Variants in LMOD1 observed in about 807,000 individuals in gnomAD.
LMOD1 encodes leiomodin-1.
Under a neutral mutation model 36.5 loss-of-function variants are expected in LMOD1, and 8 were observed. The observed-to-expected ratio is 0.22, with a 90% CI of 0.13 to 0.40. The LOEUF (loss-of-function observed/expected upper bound fraction) is 0.40, where lower values mean the gene tolerates loss of function less well. LMOD1 is among the 10% of genes least tolerant of loss of function. The pLI, the probability that LMOD1 is intolerant of heterozygous loss-of-function variation, is 1.00. For synonymous variants in LMOD1, 284 were observed against 288.7 expected (o/e 0.98, Z 0.17); for missense variants, 630 against 751.1 (o/e 0.84, Z 1.88).
intron 1 of LMOD1, among the ~76,000 whole-genome samples, chr1:201,945,476 T>C (rs1682194819): frequency 6.6e-6 from 1 of 152,122 alleles, no homozygotes; most frequent in Non-Finnish European, 1.5e-5. Context: ...ACATCTTCCC[T>C]GGGAATAAAT....
chr1:201,944,102 A>T (rs1009038179), intron 1 of LMOD1, among the ~76,000 whole-genome samples: 3 of 152,160 alleles, frequency 2.0e-5, no homozygotes, highest in African/African-American at 7.2e-5. Context: ...GGATCAGAAC[A>T]GCCTACATCC....
intron 1 of LMOD1, among the ~76,000 whole-genome samples, chr1:201,925,367 G>C (rs1363113605): frequency 6.6e-6 from 1 of 152,194 alleles, no homozygotes; most frequent in African/African-American, 2.4e-5. Flanking sequence ...GTATGTGGAA[G>C]CCCATAAATC....
intron 1 of LMOD1, among the ~76,000 whole-genome samples, chr1:201,922,160 C>T (rs971824840): frequency 7.2e-5 from 11 of 152,106 alleles, no homozygotes; most frequent in Non-Finnish European, 1.6e-4. Context: ...AATAGTGCAA[C>T]CACTTGGGAA....
chr1:201,899,135 GCCGACATAAGCTC>G lies in LMOD1; in HGVS notation c.1776+89_1776+101del, dbSNP rs1250472976. The G allele has an allele frequency of 1.8e-6, 2 of 1,093,896 alleles. No individual in the cohort carries two copies. Among genetic ancestry groups the G allele is most frequent in the Admixed American group, 5.8e-5 (2 of 34,768 alleles). The allele number at this position is 1,093,896 out of a possible 1,614,324, so 67.8% of individuals were successfully genotyped here. ...GCCCTGGGAGTCTATATCATCTGCAGCCGACATAAGCTCCTCTGCATGCCTTCCCTTTTGCAGT... is the reference window on the plus strand; with the variant it reads ...GCCCTGGGAGTCTATATCATCTGCAGCTCTGCATGCCTTCCCTTTTGCAGT... On this transcript the variant is annotated intron_variant, in intron 2 of 2. Coordinates refer to ENST00000367288, the MANE Select transcript of LMOD1 (RefSeq NM_012134.3). The surrounding 1 kb of genome is among the most constrained non-coding windows in gnomAD (Gnocchi z 6.3).
intron 1 of LMOD1, among the ~76,000 whole-genome samples, chr1:201,921,532 A>T (rs1273539993): frequency 1.3e-5 from 2 of 148,162 alleles, no homozygotes; most frequent in African/African-American, 5.0e-5. Context: ...CTCAGAAAGG[A>T]GATCTAGGCT....
rs12750062 is a variant in LMOD1 at position 201,901,641 on chromosome 1, T to C, written c.262-890A>G. On this transcript the variant is annotated intron_variant, in intron 1 of 2. Transcript: ENST00000367288. The stretch of plus-strand genomic sequence containing the variant: ...ATATATGTGTGTGTGTATATATATA[T>C]ATATATACATATATATGTGTATATA... Among the ~76,000 whole-genome samples, 8 of 77,102 alleles carry C rather than the reference T, an allele frequency of 1.0e-4. 1 individual carries two copies. Among genetic ancestry groups the C allele is most frequent in the South Asian group, 4.4e-4 (1 of 2,298 alleles). The allele number at this position is 77,102 out of a possible 152,430, so 50.6% of individuals were successfully genotyped here. A position where few individuals can be genotyped will look rare whatever the true frequency, so the allele number is the denominator to read the frequency against.
rs1351864905 is a variant in LMOD1 at position 201,896,778 on chromosome 1, T to G, written c.*1594A>C. 4.4e-6 allele frequency: 2 copies of G among 453,078 alleles called. No individual in the cohort carries two copies. Among genetic ancestry groups the G allele is most frequent in the Non-Finnish European group, 8.9e-6 (2 of 225,734 alleles). 28.1% of individuals were successfully genotyped at this position (453,078 alleles called of 1,614,324 possible). A position where few individuals can be genotyped will look rare whatever the true frequency, so the allele number is the denominator to read the frequency against. On this transcript the variant is annotated 3_prime_UTR_variant, in exon 3 of 3. Coordinates refer to ENST00000367288, the MANE Select transcript of LMOD1 (RefSeq NM_012134.3). ...GTGACTGGGGTGACAGGCAAGTGGGTGGAGGGAATGGAGAAGAGTGTACCC... is the reference window on the plus strand; with the variant it reads ...GTGACTGGGGTGACAGGCAAGTGGGGGGAGGGAATGGAGAAGAGTGTACCC...
chr1:201,908,615 G>T (rs564523659), intron 1 of LMOD1, among the ~76,000 whole-genome samples: 23 of 152,234 alleles, frequency 1.5e-4, no homozygotes, highest in South Asian at 4.2e-4. Context: ...GGTGCTACAG[G>T]GCGGCCTTCT....
At chr1:201,910,836 C>G (rs1276331879) in intron 1 of LMOD1, among the ~76,000 whole-genome samples, 1 of 116,228 alleles carries the variant, frequency 8.6e-6, no homozygotes, top group East Asian at 3.0e-4. Flanking sequence ...CTCACTGTAA[C>G]CTCTGCCTCC....
rs542223073 is a variant in LMOD1, at chr1:201,912,648, C to T, written c.262-11897G>A. Among the ~76,000 whole-genome samples, 12 of 152,240 alleles carry T rather than the reference C, an allele frequency of 7.9e-5. No individual in the cohort carries two copies. In the South Asian group the frequency reaches 1.9e-3, roughly 24 times the overall value. On this transcript the variant is annotated intron_variant, in intron 1 of 2. Transcript: ENST00000367288. ...CCAAGGTGGGTGGATCACCTGAGGTCGGGAGTTTGAGACCAGCCTGACCAA... is the reference window on the plus strand; with the variant it reads ...CCAAGGTGGGTGGATCACCTGAGGTTGGGAGTTTGAGACCAGCCTGACCAA...
chr1:201,897,064 G>C lies in LMOD1; in HGVS notation c.*1308C>G, dbSNP rs565086358. 10 of 280,852 alleles carry C rather than the reference G, an allele frequency of 3.6e-5. No homozygotes were observed. Among genetic ancestry groups the C allele is most frequent in the Non-Finnish European group, 7.1e-5 (10 of 140,206 alleles). The allele number at this position is 280,852 out of a possible 1,614,324, so 17.4% of individuals were successfully genotyped here. On this transcript the variant is annotated 3_prime_UTR_variant, in exon 3 of 3. Transcript: ENST00000367288. Reference sequence around the variant, plus strand: ...AGAAAGATGCCTTTCACCTACACCCGATGGTGGGCATGGCAGCATTGTCAG... The same window carrying C: ...AGAAAGATGCCTTTCACCTACACCCCATGGTGGGCATGGCAGCATTGTCAG...
At position 201,901,545 on chromosome 1, in the gene LMOD1, T is replaced by TACAC. The variant is rs1681308238; in HGVS notation, c.262-795_262-794insGTGT. Among the ~76,000 whole-genome samples, 3 of 16,054 alleles carry TACAC rather than the reference T, an allele frequency of 1.9e-4. 1 individual carries two copies. The highest frequency in any genetic ancestry group is 5.1e-4 in the African/African-American group (2 of 3,926). The allele number at this position is 16,054 out of a possible 152,430, so 10.5% of individuals were successfully genotyped here. A position where few individuals can be genotyped will look rare whatever the true frequency, so the allele number is the denominator to read the frequency against. Reference sequence around the variant, plus strand: ...ATATATATATGTATATATATATATATATATATACATATATATATGTATATA... The same window carrying TACAC: ...ATATATATATGTATATATATATATATACACATATATACATATATATATGTATATA... On this transcript the variant is annotated intron_variant, in intron 1 of 2. Coordinates refer to ENST00000367288, the MANE Select transcript of LMOD1 (RefSeq NM_012134.3).
chr1:201,899,545 C>T lies in LMOD1; in HGVS notation c.1468G>A (p.Gly490Arg). The T allele has an allele frequency of 6.2e-7, 1 of 1,613,786 alleles. No individual in the cohort carries two copies. Among genetic ancestry groups the T allele is most frequent in the South Asian group, 1.1e-5 (1 of 91,026 alleles). The stretch of plus-strand genomic sequence containing the variant: ...ACCTCCAGCAGATCCTTCTTCTCTC[C>T]CTTGGCTTCCTGTGCCTGCCTTTGC... ...QEQRQAQEAK[G>R]EKKDLLEVPK... Residue 490 changes from glycine to arginine, a missense_variant, in exon 2 of 3, where the codon GGA (glycine) becomes AGA (arginine). By Grantham distance (125) the Gly-to-Arg change is moderately radical (BLOSUM62 -2). Transcript: ENST00000367288. This position sits in a 1 kb window ranked among gnomAD's most constrained non-coding sequence, Gnocchi z 6.3.
intron 1 of LMOD1, among the ~76,000 whole-genome samples, chr1:201,943,735 ATG>A (rs1682157619): frequency 6.6e-6 from 1 of 152,206 alleles, no homozygotes; most frequent in Non-Finnish European, 1.5e-5. Flanking sequence ...CTGAGTGTTT[ATG>A]ACACGCCAAG....
At chr1:201,916,352 A>T (rs1269257747) in intron 1 of LMOD1, among the ~76,000 whole-genome samples, 1 of 152,018 alleles carries the variant, frequency 6.6e-6, no homozygotes, top group Non-Finnish European at 1.5e-5. Context: ...CATCTCTACA[A>T]AAAATACAAA....
intron 1 of LMOD1, among the ~76,000 whole-genome samples, chr1:201,941,253 G>T (rs1682110837): frequency 6.6e-6 from 1 of 152,030 alleles, no homozygotes; most frequent in African/African-American, 2.4e-5. Context: ...CATCACACCT[G>T]CCCTCAAAAT....
intron 1 of LMOD1, among the ~76,000 whole-genome samples, chr1:201,934,433 A>T (rs1012473683): frequency 6.6e-6 from 1 of 152,134 alleles, no homozygotes; most frequent in South Asian, 2.1e-4. Flanking sequence ...TGCTGCTGAG[A>T]TGTGACCCCT....
At chr1:201,935,089 G>A (rs1323424160) in intron 1 of LMOD1, among the ~76,000 whole-genome samples, 1 of 152,210 alleles carries the variant, frequency 6.6e-6, no homozygotes, top group Admixed American at 6.5e-5. Flanking sequence ...GAGTAGGGGA[G>A]AGATGTGATC....
chr1:201,930,240 C>T (rs1407202370), intron 1 of LMOD1, among the ~76,000 whole-genome samples: 3 of 152,130 alleles, frequency 2.0e-5, no homozygotes, highest in Admixed American at 1.3e-4. Context: ...GGCTTTTACA[C>T]AGGGAAGGTC....
Sources: allele counts gnomAD v4.1 joint callset (sites outside exome capture counted in the v4.1 genomes callset), GRCh38; gene constraint gnomAD v4.1.1; non-coding constraint Gnocchi (gnomAD v3.1); transcripts MANE v1.5; gene names NCBI Gene and HGNC (gene_info 2026-07-23, HGNC 2026-07-21).